Variants in SETD2 observed in about 807,000 individuals in gnomAD.
SETD2 encodes the protein SET domain containing 2, histone lysine methyltransferase, also known as histone-lysine N-methyltransferase SETD2.
SETD2 carries 31 observed loss-of-function variants against 242.1 expected under a neutral mutation model. The ratio of observed to expected loss-of-function variants is 0.13; its 90% confidence interval spans 0.10 to 0.17. The LOEUF is 0.17. Among genes scored for constraint, SETD2 ranks in the 10% least tolerant of loss-of-function variants. The pLI, the probability that SETD2 is intolerant of heterozygous loss-of-function variation, is 1.00. For synonymous variants in SETD2, 1,006 were observed against 1,066.5 expected, an observed-to-expected ratio of 0.94 and a Z score of 1.11; for missense variants, 2,481 against 3,046.3, an observed-to-expected ratio of 0.81 and a Z score of 4.37.
intron 3 of SETD2, chr3:47,119,771 A>G (rs577868055): frequency 2.1e-6 from 1 of 469,884 alleles, no homozygotes; most frequent in East Asian, 7.0e-5. Flanking sequence ...GTACCCAAAG[A>G]TACTTCATTC....
chr3:47,088,350 C>T (rs532428002), intron 9 of SETD2, 103 bp from the exon 10 acceptor site: 2 of 1,117,786 alleles, frequency 1.8e-6, no homozygotes, highest in Non-Finnish European at 2.5e-6. Flanking sequence ...CAGGAAAACA[C>T]AAATGAAGAC....
intron 12 of SETD2, among the ~76,000 whole-genome samples, chr3:47,076,780 T>C (rs1292859862): frequency 2.0e-5 from 3 of 152,220 alleles, no homozygotes; most frequent in African/African-American, 7.2e-5. Flanking sequence ...GGTGAATATG[T>C]ATGAGAAGAC....
intron 15 of SETD2, among the ~76,000 whole-genome samples, chr3:47,055,107 A>G (rs2039999870): frequency 6.6e-6 from 1 of 152,220 alleles, no homozygotes; most frequent in Admixed American, 6.5e-5. Context: ...ACAAATATAT[A>G]AAATACATAA....
chr3:47,018,659 T>A (rs1383396347), intron 19 of SETD2, among the ~76,000 whole-genome samples: 1 of 152,234 alleles, frequency 6.6e-6, no homozygotes, highest in African/African-American at 2.4e-5. Context: ...CCAAACTCTC[T>A]TCCTTCAGTC....
intron 12 of SETD2, among the ~76,000 whole-genome samples, chr3:47,078,244 G>C (rs1310396181): frequency 6.6e-6 from 1 of 152,074 alleles, no homozygotes; most frequent in Non-Finnish European, 1.5e-5. Context: ...CTGCTTAATC[G>C]AGTGATAAAA....
intron 1 of SETD2, among the ~76,000 whole-genome samples, chr3:47,143,382 A>C (rs1458284221): frequency 6.6e-6 from 1 of 152,202 alleles, no homozygotes; most frequent in Non-Finnish European, 1.5e-5. Flanking sequence ...AGAAACACTA[A>C]TATTCCAAAT....
At chr3:47,018,747 C>T (rs1282148542) in intron 19 of SETD2, among the ~76,000 whole-genome samples, 1 of 152,210 alleles carries the variant, frequency 6.6e-6, no homozygotes, top group Non-Finnish European at 1.5e-5. Context: ...CCCACAGACA[C>T]ATAGTTCCTA....
chr3:47,101,217 A>G (rs1575774001), intron 8 of SETD2, among the ~76,000 whole-genome samples: 1 of 152,108 alleles, frequency 6.6e-6, no homozygotes, highest in Non-Finnish European at 1.5e-5. Context: ...CATAAGAAAT[A>G]TAATTATACA....
At chr3:47,092,708 G>A (rs2041854300) in intron 9 of SETD2, among the ~76,000 whole-genome samples, 1 of 151,694 alleles carries the variant, frequency 6.6e-6, no homozygotes, top group Non-Finnish European at 1.5e-5. Flanking sequence ...ACTTCTTGAT[G>A]GAATACAACA....
At chr3:47,095,268 T>C (rs2107667480) in intron 9 of SETD2, among the ~76,000 whole-genome samples, 1 of 152,256 alleles carries the variant, frequency 6.6e-6, no homozygotes, top group South Asian at 2.1e-4. Flanking sequence ...CCGGAGTAGC[T>C]GAGATTACAG....
At chr3:47,019,315 A>G (rs915668448) in intron 19 of SETD2, among the ~76,000 whole-genome samples, 1 of 152,220 alleles carries the variant, frequency 6.6e-6, no homozygotes, top group Non-Finnish European at 1.5e-5. Context: ...GAGGAAAGGC[A>G]ATCTGTCTTG....
chr3:47,107,150 T>C (rs962556725), intron 5 of SETD2, among the ~76,000 whole-genome samples: 6 of 152,208 alleles, frequency 3.9e-5, no homozygotes, highest in South Asian at 2.1e-4. Context: ...TAGTTCTATG[T>C]AGACAAATGT....
chr3:47,162,284 AT>A (rs1559774021), intron 1 of SETD2, among the ~76,000 whole-genome samples: 1 of 151,694 alleles, frequency 6.6e-6, no homozygotes, highest in African/African-American at 2.4e-5. Context: ...GTGATATAAA[AT>A]TTTTTTTGAG....
At position 47,150,687 on chromosome 3, in the gene SETD2, A is replaced by C. The variant is rs2043963926; in HGVS notation, c.71+13167T>G. Reference sequence around the variant, plus strand: ...GTCCTAATCTTATAGTTATTTAAGAATGTCTGGTAATAGGCTGGGCACGGT... The same window carrying C: ...GTCCTAATCTTATAGTTATTTAAGACTGTCTGGTAATAGGCTGGGCACGGT... On this transcript the variant is annotated intron_variant, in intron 1 of 20. Transcript: ENST00000409792. Among the ~76,000 whole-genome samples the C allele has an allele frequency of 2.6e-5, 4 of 152,082 alleles. No individual in the cohort carries two copies. The South Asian group carries it at 6.2e-4, about 24-fold the overall frequency.
intron 12 of SETD2, 75 bp from the exon 13 acceptor site, chr3:47,067,193 A>C (rs2107600900): frequency 9.3e-7 from 1 of 1,080,732 alleles, no homozygotes; most frequent in African/African-American, 1.5e-5. Flanking sequence ...GACTGTTTTC[A>C]CATGACAATA....
At chr3:47,049,853 ATAAT>A (rs2107558454) in intron 15 of SETD2, among the ~76,000 whole-genome samples, 1 of 144,646 alleles carries the variant, frequency 6.9e-6, no homozygotes, top group African/African-American at 2.5e-5. Context: ...TATATTATAT[ATAAT>A]ATATAAATTT....
At chr3:47,096,728 C>T (rs2042022005) in intron 9 of SETD2, among the ~76,000 whole-genome samples, 1 of 151,716 alleles carries the variant, frequency 6.6e-6, no homozygotes, top group Non-Finnish European at 1.5e-5. Context: ...GCCTGTGGAA[C>T]AGTGCGAGAC....
At chr3:47,062,638 ATGCAAGATATTCCCATTACATT>A (rs1327988522) in intron 13 of SETD2, among the ~76,000 whole-genome samples, 1 of 152,218 alleles carries the variant, frequency 6.6e-6, no homozygotes, top group African/African-American at 2.4e-5. Context: ...GAGCACATGC[ATGCAAGATATTCCCATTACATT>A]TAGCAAGGCA....
intron 16 of SETD2, 90 bp from the exon 17 acceptor site, chr3:47,042,790 T>G (rs2107540635): frequency 8.9e-7 from 1 of 1,128,246 alleles, no homozygotes. Context: ...TATGTAAAAA[T>G]GTACATCTAC....
Sources: allele counts gnomAD v4.1 joint callset (sites outside exome capture counted in the v4.1 genomes callset), GRCh38; gene constraint gnomAD v4.1.1; transcripts MANE v1.5; gene names NCBI Gene and HGNC (gene_info 2026-07-23, HGNC 2026-07-21).